AKT3: variants seen among roughly 807,000 people sequenced by gnomAD.
AKT3 encodes AKT serine/threonine kinase 3.
Under a neutral mutation model 65.3 loss-of-function variants are expected in AKT3, and 15 were observed. The ratio of observed to expected loss-of-function variants is 0.23; its 90% CI spans 0.15 to 0.35. AKT3 has a LOEUF of 0.35. AKT3 is among the 10% of genes least tolerant of loss of function. The probability of loss-of-function intolerance (pLI) is 1.00; values close to 1 mark genes in which losing one functional copy is unlikely to be tolerated. For synonymous variants in AKT3, 206 were observed against 183.8 expected, an observed-to-expected ratio of 1.12 and a Z score of -0.98; for missense variants, 243 against 576.5, an observed-to-expected ratio of 0.42 and a Z score of 5.92.
rs1283312308 is a variant in AKT3, at chr1:243,505,479, A to G, written c.1355-145T>C. On this transcript the variant is annotated intron_variant, in intron 13 of 13. Transcript: ENST00000673466. ...ACTTGTGTTCATCAATAAGCTGTAG[A>G]GTAATTATACTTCAAAAATCATCTG... is the stretch of plus-strand genomic sequence containing the variant. 4 of 633,466 alleles carry G rather than the reference A, an allele frequency of 6.3e-6. No individual in the cohort carries two copies. In the African/African-American group the frequency reaches 7.4e-5, roughly 12 times the overall value. 39.2% of individuals were successfully genotyped at this position (633,466 alleles called of 1,614,324 possible). A position where few individuals can be genotyped will look rare whatever the true frequency, so the allele number is the denominator to read the frequency against.
chr1:243,626,609 A>G (rs151118005), intron 6 of AKT3, among the ~76,000 whole-genome samples: 3 of 152,292 alleles, frequency 2.0e-5, no homozygotes, highest in Non-Finnish European at 4.4e-5. Flanking sequence ...TGAAGGCCAT[A>G]TGCACACCTG....
chr1:243,766,395 G>T (rs1172604863), intron 2 of AKT3, among the ~76,000 whole-genome samples: 1 of 152,000 alleles, frequency 6.6e-6, no homozygotes, highest in Non-Finnish European at 1.5e-5. Flanking sequence ...AAATGTACAG[G>T]GTACTTTAAT....
chr1:243,609,898 C>T (rs1167898611), intron 8 of AKT3, among the ~76,000 whole-genome samples: 1 of 152,086 alleles, frequency 6.6e-6, no homozygotes, highest in Admixed American at 6.5e-5. Context: ...TGCCAGGTAG[C>T]GCCCTCTAGG....
chr1:243,758,252 A>G (rs1275411825), intron 2 of AKT3, among the ~76,000 whole-genome samples: 1 of 152,220 alleles, frequency 6.6e-6, no homozygotes, highest in Non-Finnish European at 1.5e-5. Context: ...GAAAAATGCT[A>G]GGAGAAAAAT....
chr1:243,648,808 T>C (rs1161624920), intron 4 of AKT3, among the ~76,000 whole-genome samples: 1 of 152,154 alleles, frequency 6.6e-6, no homozygotes, highest in Admixed American at 6.5e-5. Context: ...CTTCCCTCTT[T>C]TTCCTTTAAC....
intron 2 of AKT3, among the ~76,000 whole-genome samples, chr1:243,750,408 T>TACACACACACAC (rs56210876): frequency 6.7e-6 from 1 of 149,288 alleles, no homozygotes; most frequent in African/African-American, 2.5e-5. Context: ...CATGCACGTA[T>TACACACACACAC]ACACACACAC....
chr1:243,830,052 T>C (rs2148445706), intron 2 of AKT3, among the ~76,000 whole-genome samples: 1 of 152,306 alleles, frequency 6.6e-6, no homozygotes, highest in South Asian at 2.1e-4. Flanking sequence ...CAGCCCTCCA[T>C]ATCTGTGGGT....
At chr1:243,633,075 T>C (rs777766883) in intron 6 of AKT3, among the ~76,000 whole-genome samples, 9 of 152,120 alleles carry the variant, frequency 5.9e-5, no homozygotes, top group Non-Finnish European at 5.9e-5. Flanking sequence ...ATCAGAAACA[T>C]TGAAGGCCAG....
chr1:243,553,980 C>T (rs568806194), intron 10 of AKT3, among the ~76,000 whole-genome samples: 1 of 152,172 alleles, frequency 6.6e-6, no homozygotes, highest in Non-Finnish European at 1.5e-5. Context: ...AAAACACTTA[C>T]AACCGATTAC....
At position 243,843,418 on chromosome 1, in the gene AKT3, CTTAT is replaced by C. The variant is rs1484904702; in HGVS notation, c.-112-140_-112-137del. 2.8e-5 allele frequency: 31 copies of C among 1,111,820 alleles called. No homozygotes were observed. In the East Asian group the frequency reaches 9.3e-4, roughly 33 times the overall value. The allele number at this position is 1,111,820 out of a possible 1,614,324, so 68.9% of individuals were successfully genotyped here. Reference sequence around the variant, plus strand: ...AAGTCTGGCTCTTCAAACTGGGGAACTTATTTATTAAATAGTTCTATAATGAAAG... The same window carrying C: ...AAGTCTGGCTCTTCAAACTGGGGAACTTATTAAATAGTTCTATAATGAAAG... On this transcript the variant is annotated intron_variant, in intron 1 of 13. Coordinates refer to ENST00000673466, the MANE Select transcript of AKT3 (RefSeq NM_005465.7).
At chr1:243,795,467 T>TG (rs1691920159) in intron 2 of AKT3, among the ~76,000 whole-genome samples, 1 of 98,038 alleles carries the variant, frequency 1.0e-5, no homozygotes, top group African/African-American at 3.1e-5. Flanking sequence ...TTTTTGTTTT[T>TG]TTTTTTTGGT....
intron 2 of AKT3, among the ~76,000 whole-genome samples, chr1:243,715,360 A>G (rs1021804109): frequency 6.6e-6 from 1 of 152,092 alleles, no homozygotes; most frequent in Admixed American, 6.5e-5. Context: ...TACACCTTGG[A>G]TAAAAATATT....
downstream of AKT3, chr1:243,499,691 A>C (rs372618844): frequency 3.1e-6 from 4 of 1,297,250 alleles, no homozygotes; most frequent in Non-Finnish European, 4.5e-6. Flanking sequence ...AAACCAGCAA[A>C]TGAGAAGACA....
chr1:243,726,937 T>C (rs1687246805), intron 2 of AKT3, among the ~76,000 whole-genome samples: 1 of 152,212 alleles, frequency 6.6e-6, no homozygotes, highest in African/African-American at 2.4e-5. Flanking sequence ...CACCTTCTAC[T>C]TAGGCAGTGG....
At chr1:243,563,171 T>G (rs574690513) in intron 10 of AKT3, among the ~76,000 whole-genome samples, 1 of 152,316 alleles carries the variant, frequency 6.6e-6, no homozygotes, top group Non-Finnish European at 1.5e-5. Context: ...ATACAGCAGA[T>G]ACACAATAAA....
In AKT3 at chr1:243,501,859, T is replaced by G. The variant is rs1303427833; in HGVS notation, c.*3390A>C. On this transcript the variant is annotated 3_prime_UTR_variant, in exon 14 of 14. Transcript: ENST00000673466. The stretch of plus-strand genomic sequence containing the variant: ...GTGTAAAAATACTAAGGATGTACAG[T>G]GTACAAAAACAGTTTCTCCTAGTTA... The G allele has an allele frequency of 8.6e-6, 2 of 232,718 alleles. No homozygotes were observed. Among genetic ancestry groups the G allele is most frequent in the Non-Finnish European group, 1.7e-5 (2 of 117,836 alleles). The allele number at this position is 232,718 out of a possible 1,614,324, so 14.4% of individuals were successfully genotyped here.
At chr1:243,601,063 G>A (rs1457974623) in intron 8 of AKT3, among the ~76,000 whole-genome samples, 1 of 151,980 alleles carries the variant, frequency 6.6e-6, no homozygotes, top group Non-Finnish European at 1.5e-5. Flanking sequence ...AGTCAAAATT[G>A]ATTAATTTTA....
At chr1:243,745,762 G>C (rs1167993862) in intron 2 of AKT3, among the ~76,000 whole-genome samples, 1 of 152,128 alleles carries the variant, frequency 6.6e-6, no homozygotes, top group Non-Finnish European at 1.5e-5. Flanking sequence ...GAAGTCAAAA[G>C]ACTGGACACC....
chr1:243,492,534 C>A (rs1432359898), intron 13 of AKT3, among the ~76,000 whole-genome samples: 1 of 151,018 alleles, frequency 6.6e-6, no homozygotes, highest in Non-Finnish European at 1.5e-5. Flanking sequence ...GAACTCCTGA[C>A]CTCAAATGAT....
Sources: gnomAD v4.1 joint callset for allele counts (sites outside exome capture counted in the v4.1 genomes callset) on GRCh38, gnomAD v4.1.1 for gene constraint, MANE v1.5 for transcripts, NCBI Gene and HGNC (gene_info 2026-07-23, HGNC 2026-07-21) for gene names.